Variants in PDE11A observed in about 807,000 individuals in gnomAD.
The protein encoded by PDE11A is phosphodiesterase 11A, also known as dual 3',5'-cyclic-AMP and -GMP phosphodiesterase 11A.
PDE11A carries 100 observed loss-of-function variants against 100.5 expected under a neutral mutation model. The ratio of observed to expected loss-of-function variants is 1.00; its 90% confidence interval spans 0.85 to 1.18. The LOEUF (loss-of-function observed/expected upper bound fraction) is 1.18. Ranked by LOEUF, PDE11A falls within the 50% of genes most tolerant of loss-of-function variation. PDE11A has a pLI of 0.00. For synonymous variants in PDE11A, 381 were observed against 420.8 expected, an observed-to-expected ratio of 0.91 and a Z score of 1.16; for missense variants, 1,141 against 1,152.6, an observed-to-expected ratio of 0.99 and a Z score of 0.15.
chr2:177,889,216 T>C (rs11889185), intron 4 of PDE11A, among the ~76,000 whole-genome samples: 6,726 of 152,278 alleles, frequency 0.044, 217 homozygotes, highest in Middle Eastern at 0.12. Context: ...CTGAGGACTT[T>C]GTAGATATTG....
rs11409979 is a variant in PDE11A at position 177,819,914 on chromosome 2, C to CTT, written c.1576+304_1576+305dup. Among the ~76,000 whole-genome samples, 167 of 142,492 alleles carry CTT rather than the reference C, an allele frequency of 1.2e-3. 1 individual carries two copies. Among genetic ancestry groups the CTT allele is most frequent in the African/African-American group, 3.8e-3 (141 of 37,112 alleles). The allele number at this position is 142,492 out of a possible 152,430, so 93.5% of individuals were successfully genotyped here. ...TCTCTCTGTCTCTGTCTCTCTCTGG[C>CTT]TTTTTTTTTCACTCTCTGCCTCTAT... On this transcript the variant is annotated intron_variant, in intron 7 of 19. Coordinates refer to ENST00000286063, the MANE Select transcript of PDE11A (RefSeq NM_016953.4).
In PDE11A at chr2:177,881,798, C is replaced by T. The variant is rs573769877; in HGVS notation, c.1303-5875G>A. 1.7e-4 allele frequency among the ~76,000 whole-genome samples: 26 copies of T among 152,318 alleles called. No individual in the cohort carries two copies. The South Asian group carries it at 3.3e-3, about 19-fold the overall frequency. ...ACTATAACAGTAGAGTGAATAGTTGCAATTGAGATCGTGCAGGCCACAAAG... is the reference window on the plus strand; with the variant it reads ...ACTATAACAGTAGAGTGAATAGTTGTAATTGAGATCGTGCAGGCCACAAAG... On this transcript the variant is annotated intron_variant, in intron 4 of 19. Coordinates refer to ENST00000286063, the MANE Select transcript of PDE11A (RefSeq NM_016953.4).
At chr2:177,869,812 C>T (rs1382611609) in intron 5 of PDE11A, among the ~76,000 whole-genome samples, 1 of 152,170 alleles carries the variant, frequency 6.6e-6, no homozygotes, top group African/African-American at 2.4e-5. Context: ...ATTTTGTCAT[C>T]TATGTTCTCA....
chr2:178,004,656 C>T (rs1051202702), intron 2 of PDE11A, among the ~76,000 whole-genome samples: 1 of 152,184 alleles, frequency 6.6e-6, no homozygotes, highest in Non-Finnish European at 1.5e-5. Context: ...AGTTCTTTGT[C>T]ATTTTGCACT....
At chr2:177,989,022 G>T (rs1414468606) in intron 2 of PDE11A, among the ~76,000 whole-genome samples, 1 of 152,182 alleles carries the variant, frequency 6.6e-6, no homozygotes, top group African/African-American at 2.4e-5. Context: ...AGAGAGGATG[G>T]CAAAATAGGC....
chr2:177,710,000 T>C (rs1379593564), intron 13 of PDE11A, among the ~76,000 whole-genome samples: 1 of 151,546 alleles, frequency 6.6e-6, no homozygotes, highest in African/African-American at 2.4e-5. Flanking sequence ...AAGAAGGAAA[T>C]AGAACTGAAG....
In PDE11A at chr2:177,815,328, T is replaced by C. The variant is rs543838190; in HGVS notation, c.1737+1501A>G. On this transcript the variant is annotated intron_variant, in intron 9 of 19. Transcript: ENST00000286063. ...GCTTCATCTCATTTAATTCTCACAA[T>C]TGAGGTAAGTGACAGATCCAGGATT... Among the ~76,000 whole-genome samples the C allele has an allele frequency of 1.1e-4, 17 of 152,314 alleles. No homozygotes were observed. The South Asian group carries it at 3.1e-3, about 28-fold the overall frequency.
intron 15 of PDE11A, among the ~76,000 whole-genome samples, chr2:177,688,509 A>G (rs1344800299): frequency 6.6e-6 from 1 of 152,246 alleles, no homozygotes; most frequent in Non-Finnish European, 1.5e-5. Context: ...GCTAAAAAGA[A>G]TATTTGAAAA....
chr2:178,024,439 C>T (rs1051832386), intron 1 of PDE11A, among the ~76,000 whole-genome samples: 1 of 152,016 alleles, frequency 6.6e-6, no homozygotes, highest in Non-Finnish European at 1.5e-5. Context: ...AATAAAAATC[C>T]AAGGCCTCTG....
intron 2 of PDE11A, among the ~76,000 whole-genome samples, chr2:177,949,766 T>TTGGGTAAC (rs1326987276): frequency 6.6e-6 from 1 of 152,146 alleles, no homozygotes; most frequent in Admixed American, 6.5e-5. Context: ...GAAGGAGCTG[T>TTGGGTAAC]TGGGTAACTG....
intron 6 of PDE11A, among the ~76,000 whole-genome samples, chr2:177,828,445 C>T (rs925581197): frequency 9.2e-5 from 14 of 151,936 alleles, no homozygotes; most frequent in Non-Finnish European, 1.6e-4. Flanking sequence ...CTTCATAGAG[C>T]TTACATTTTA....
Position 177,697,384 on chromosome 2 carries a change from TA to T in PDE11A, c.2292del (p.Met765CysfsTer4). ...AATATTGACTGCTTCAAAAGCTGCA[TA>T]AGGTCACTATATTCCTTGGAGGACA... ...ANLSSKEYSD[L>X]MQLLKQSILA... On this transcript the variant is annotated frameshift_variant, in exon 15 of 20. Transcript: ENST00000286063. LOFTEE classifies it high-confidence loss of function. The T allele has an allele frequency of 6.2e-7, 1 of 1,603,012 alleles. No homozygotes were observed. The highest frequency in any genetic ancestry group is 8.5e-7 in the Non-Finnish European group (1 of 1,170,026).
intron 1 of PDE11A, among the ~76,000 whole-genome samples, chr2:178,062,420 G>A (rs1410987382): frequency 6.6e-6 from 1 of 151,896 alleles, no homozygotes; most frequent in East Asian, 1.9e-4. Context: ...TTCTCTGGAA[G>A]CAAAAGGAAA....
intron 10 of PDE11A, among the ~76,000 whole-genome samples, chr2:177,731,995 G>A (rs1246501757): frequency 6.6e-6 from 1 of 152,202 alleles, no homozygotes. Flanking sequence ...GAAAATGAGT[G>A]TAGTTAATCT....
chr2:177,784,651 CACTTTAT>C, intron 9 of PDE11A, among the ~76,000 whole-genome samples: 1 of 152,332 alleles, frequency 6.6e-6, no homozygotes, highest in East Asian at 1.9e-4. Flanking sequence ...TTTACTCTAT[CACTTTAT>C]ACTTTATTGC....
chr2:177,951,775 C>G (rs1032574569), intron 2 of PDE11A, among the ~76,000 whole-genome samples: 2 of 152,088 alleles, frequency 1.3e-5, no homozygotes, highest in Non-Finnish European at 2.9e-5. Flanking sequence ...ACAGTAAACC[C>G]CAGAGGAAGA....
chr2:177,718,665 A>T (rs57026464), intron 12 of PDE11A, among the ~76,000 whole-genome samples: 1,846 of 152,314 alleles, frequency 0.012, 39 homozygotes, highest in African/African-American at 0.042. Flanking sequence ...TAGGAAAAAG[A>T]CTGTTAAGAT....
chr2:178,104,512 T>TCTA, intron 1 of PDE11A: 1 of 1,546,342 alleles, frequency 6.5e-7, no homozygotes, highest in Non-Finnish European at 8.9e-7. Flanking sequence ...ACCAAAAAAA[T>TCTA]ATATATATTA....
chr2:177,795,814 A>G (rs1369979203), intron 9 of PDE11A, among the ~76,000 whole-genome samples: 1 of 150,794 alleles, frequency 6.6e-6, no homozygotes, highest in Non-Finnish European at 1.5e-5. Flanking sequence ...TGTGGATCCC[A>G]CCTCCCTAAG....
Sources: gnomAD v4.1 joint callset for allele counts (sites outside exome capture counted in the v4.1 genomes callset) on GRCh38, gnomAD v4.1.1 for gene constraint, MANE v1.5 for transcripts, NCBI Gene and HGNC (gene_info 2026-07-23, HGNC 2026-07-21) for gene names.